RAB11FIP5: variants seen among roughly 807,000 people sequenced by gnomAD.
The protein encoded by RAB11FIP5 is rab11 family-interacting protein 5.
A neutral mutation model predicts 85.1 loss-of-function variants in RAB11FIP5; 48 were observed. The observed-to-expected ratio is 0.56, with a 90% CI of 0.45 to 0.72. RAB11FIP5 has a LOEUF of 0.72. RAB11FIP5 is among the 30% of genes least tolerant of loss of function. RAB11FIP5 has a pLI of 0.00. For synonymous variants in RAB11FIP5, 729 were observed against 727.3 expected, an observed-to-expected ratio of 1.00 and a Z score of -0.04; for missense variants, 1,491 against 1,687.0, an observed-to-expected ratio of 0.88 and a Z score of 2.04.
chr2:73,075,943 A>G lies in RAB11FIP5; in HGVS notation c.3771+50T>C. On this transcript the variant is annotated intron_variant, in intron 5 of 5. Transcript: ENST00000486777. The surrounding 1 kb of genome is among the most constrained non-coding windows in gnomAD (Gnocchi z 4.6). ...ACCCTCACCAGGACCAAGCCCTGAG[A>G]CTCCACCACACATTCTGTCAGATGG... 1 of 1,570,952 alleles carries G rather than the reference A, an allele frequency of 6.4e-7. No homozygotes were observed. Among genetic ancestry groups the G allele is most frequent in the Non-Finnish European group, 8.7e-7 (1 of 1,152,980 alleles).
chr2:73,098,975 G>T (rs1280227532), intron 1 of RAB11FIP5, among the ~76,000 whole-genome samples: 2 of 150,402 alleles, frequency 1.3e-5, no homozygotes, highest in Non-Finnish European at 3.0e-5. Flanking sequence ...ACCTCCTGTA[G>T]ATCTCATTAT....
chr2:73,100,790 G>GTGTTTTTT (rs926543715), intron 1 of RAB11FIP5, among the ~76,000 whole-genome samples: 1 of 150,862 alleles, frequency 6.6e-6, no homozygotes, highest in Admixed American at 6.6e-5. Flanking sequence ...TTTTTTGGTT[G>GTGTTTTTT]TGTTTTTTTG....
Position 73,078,083 on chromosome 2 carries a change from A to G in RAB11FIP5, c.3581+1568T>C, listed in dbSNP as rs1489921657. On this transcript the variant is annotated intron_variant, in intron 4 of 5. Coordinates refer to ENST00000486777, the MANE Select transcript of RAB11FIP5 (RefSeq NM_001371272.1). The surrounding 1 kb of genome is among the most constrained non-coding windows in gnomAD (Gnocchi z 4.4). ...TCTCAGTCCTTTCCTGACACCTAGGAGCCTGTGCTAGGGATGGGGTATAAA... is the reference window on the plus strand; with the variant it reads ...TCTCAGTCCTTTCCTGACACCTAGGGGCCTGTGCTAGGGATGGGGTATAAA... 1.3e-5 allele frequency among the ~76,000 whole-genome samples: 2 copies of G among 152,212 alleles called. No homozygotes were observed. Among genetic ancestry groups the G allele is most frequent in the African/African-American group, 4.8e-5 (2 of 41,452 alleles).
intron 1 of RAB11FIP5, among the ~76,000 whole-genome samples, chr2:73,091,865 A>C (rs1281682420): frequency 1.3e-5 from 2 of 152,114 alleles, no homozygotes; most frequent in Admixed American, 1.3e-4. Flanking sequence ...CCTGAGAGAC[A>C]ATCCCCTGAG....
chr2:73,081,087 CCCACCTCTT>C lies in RAB11FIP5; in HGVS notation c.2136_2144del (p.Arg713_Gly715del), dbSNP rs1395589670. 2 of 1,221,384 alleles carry C rather than the reference CCCACCTCTT, an allele frequency of 1.6e-6. No homozygotes were observed. Among genetic ancestry groups the C allele is most frequent in the African/African-American group, 3.7e-5 (2 of 54,414 alleles). The allele number at this position is 1,221,384 out of a possible 1,614,324, so 75.7% of individuals were successfully genotyped here. A position where few individuals can be genotyped will look rare whatever the true frequency, so the allele number is the denominator to read the frequency against. ...CCCTGGGCTCCAGCCACACGCTGCT[CCCACCTCTT>C]CCTCCTCCTCCTCCTCCTCCTCCTC... On this transcript the variant is annotated inframe_deletion, in exon 4 of 6. Transcript: ENST00000486777. The surrounding 1 kb of genome is among the most constrained non-coding windows in gnomAD (Gnocchi z 4.2).
Position 73,089,161 on chromosome 2 carries a change from T to G in RAB11FIP5, c.586A>C (p.Lys196Gln). The part of the protein sequence containing the change: ...PRSPFSKIRD[K>Q]MKGKKKYDLE... ...TCATACTTCTTCTTGCCCTTCATCT[T>G]GTCCCTGATCTTGCTGAAGGGAGAC... is the stretch of plus-strand genomic sequence containing the variant. Residue 196 changes from lysine (K) to glutamine (Q), a missense_variant, in exon 2 of 6, where the codon AAG (lysine) becomes CAG (glutamine). This residue lies in a region of RAB11FIP5 where 1,211 missense variants were observed against 1,338.0 expected (regional missense o/e 0.91). Transcript: ENST00000486777. This position sits in a 1 kb window ranked among gnomAD's most constrained non-coding sequence, Gnocchi z 4.6. 1 of 1,614,240 alleles carries G rather than the reference T, an allele frequency of 6.2e-7. No homozygotes were observed.
rs1683957965 is a variant in RAB11FIP5, at chr2:73,080,693, C to T, written c.2539G>A (p.Ala847Thr). The change falls in exon 4 of 6, where the codon GCC becomes ACC. Residue 847 changes from alanine to threonine, a missense_variant. By Grantham distance (58) the Ala-to-Thr change is moderately conservative. This residue lies in a region of RAB11FIP5 where 1,211 missense variants were observed against 1,338.0 expected (regional missense o/e 0.91). Transcript: ENST00000486777. ...GACTCTCCCCGAAAGACTAGTGAGG[C>T]TGTCTCAGCTGCAGGAGAAATGGTG... ...VVTISPAAET[A>T]SLVFRGESDE... 1.4e-5 allele frequency: 17 copies of T among 1,232,430 alleles called. No homozygotes were observed. The South Asian group carries it at 6.2e-4, about 45-fold the overall frequency. 76.3% of individuals were successfully genotyped at this position (1,232,430 alleles called of 1,614,324 possible). A position where few individuals can be genotyped will look rare whatever the true frequency, so the allele number is the denominator to read the frequency against.
chr2:73,096,582 T>C (rs1363634801), intron 1 of RAB11FIP5, among the ~76,000 whole-genome samples: 1 of 152,184 alleles, frequency 6.6e-6, no homozygotes, highest in Non-Finnish European at 1.5e-5. Context: ...TCTCTTCTTT[T>C]CCCTCACTCC....
chr2:73,098,042 T>C (rs1049787269), intron 1 of RAB11FIP5, among the ~76,000 whole-genome samples: 3 of 152,214 alleles, frequency 2.0e-5, no homozygotes, highest in Non-Finnish European at 4.4e-5. Context: ...CCTGTGAGGT[T>C]GATATGGGAG....
intron 1 of RAB11FIP5, among the ~76,000 whole-genome samples, chr2:73,096,571 G>C (rs1684323992): frequency 6.6e-6 from 1 of 152,058 alleles, no homozygotes. Context: ...AACCAGATTT[G>C]TCTCTTCTTT....
Position 73,075,057 on chromosome 2 carries a change from T to C in RAB11FIP5, c.*464A>G. ...CACAGACAAACAGGCAGCGTGGTCA[T>C]TGTCCCAGTAATACTAGAAGCCCCT... is the stretch of plus-strand genomic sequence containing the variant. On this transcript the variant is annotated 3_prime_UTR_variant, in exon 6 of 6. Coordinates refer to ENST00000486777, the MANE Select transcript of RAB11FIP5 (RefSeq NM_001371272.1). This position sits in a 1 kb window ranked among gnomAD's most constrained non-coding sequence, Gnocchi z 4.6. 1 of 360,844 alleles carries C rather than the reference T, an allele frequency of 2.8e-6. No homozygotes were observed. 22.4% of individuals were successfully genotyped at this position (360,844 alleles called of 1,614,324 possible). A position where few individuals can be genotyped will look rare whatever the true frequency, so the allele number is the denominator to read the frequency against.
Position 73,086,889 on chromosome 2 carries a change from G to T in RAB11FIP5, c.1568+1161C>A, listed in dbSNP as rs1335614747. Among the ~76,000 whole-genome samples the T allele has an allele frequency of 1.3e-5, 2 of 152,114 alleles. No individual in the cohort carries two copies. Among genetic ancestry groups the T allele is most frequent in the African/African-American group, 4.8e-5 (2 of 41,394 alleles). On this transcript the variant is annotated intron_variant, in intron 3 of 5. Coordinates refer to ENST00000486777, the MANE Select transcript of RAB11FIP5 (RefSeq NM_001371272.1). This position sits in a 1 kb window ranked among gnomAD's most constrained non-coding sequence, Gnocchi z 4.4. ...CCCCCCCATACCCCTATCTATGAGG[G>T]TCTAACAGGGATTGTCAGCTGACCA...
At chr2:73,091,441 C>A (rs555309338) in intron 1 of RAB11FIP5, among the ~76,000 whole-genome samples, 1 of 152,148 alleles carries the variant, frequency 6.6e-6, no homozygotes, top group East Asian at 1.9e-4. Flanking sequence ...GGTGACTGCA[C>A]AGCACACACA....
chr2:73,108,875 C>A (rs1460281400), intron 1 of RAB11FIP5, among the ~76,000 whole-genome samples: 1 of 152,082 alleles, frequency 6.6e-6, no homozygotes, highest in African/African-American at 2.4e-5. Context: ...AAAACCCAGT[C>A]TCTACTAAAA....
intron 1 of RAB11FIP5, among the ~76,000 whole-genome samples, chr2:73,104,023 A>G (rs1208024488): frequency 6.6e-6 from 1 of 152,208 alleles, no homozygotes; most frequent in East Asian, 1.9e-4. Flanking sequence ...GGGGAAACAA[A>G]CAATAACTTC....
rs1467152376 is a variant in RAB11FIP5 at position 73,081,559 on chromosome 2, G to T, written c.1673C>A (p.Ala558Asp). ...PAPPTPAPTA[A>D]PMLSTNLFAA... Reference sequence around the variant, plus strand: ...AAAAAGGTTAGTGCTTAGCATGGGAGCAGCAGTGGGAGCAGGAGTGGGAGG... The same window carrying T: ...AAAAAGGTTAGTGCTTAGCATGGGATCAGCAGTGGGAGCAGGAGTGGGAGG... The change falls in exon 4 of 6, where the codon GCT becomes GAT. Residue 558 changes from alanine to aspartate, a missense_variant. Coordinates refer to ENST00000486777, the MANE Select transcript of RAB11FIP5 (RefSeq NM_001371272.1). This position sits in a 1 kb window ranked among gnomAD's most constrained non-coding sequence, Gnocchi z 4.2. 7.0e-5 allele frequency: 85 copies of T among 1,206,618 alleles called. No individual in the cohort carries two copies. The highest frequency in any genetic ancestry group is 8.8e-5 in the Non-Finnish European group (85 of 964,532). 74.7% of individuals were successfully genotyped at this position (1,206,618 alleles called of 1,614,324 possible). A position where few individuals can be genotyped will look rare whatever the true frequency, so the allele number is the denominator to read the frequency against.
At position 73,088,338 on chromosome 2, in the gene RAB11FIP5, C is replaced by G; in HGVS notation, c.1280G>C (p.Arg427Pro). 6.2e-7 allele frequency: 1 copy of G among 1,613,712 alleles called. No homozygotes were observed. Among genetic ancestry groups the G allele is most frequent in the Non-Finnish European group, 8.5e-7 (1 of 1,180,014 alleles). ...CTGGACTGGCTTGCCCTCTGGTAGCCGGGCCCCCTCCTCCTCTCCAGGGTG... is the reference window on the plus strand; with the variant it reads ...CTGGACTGGCTTGCCCTCTGGTAGCGGGGCCCCCTCCTCCTCTCCAGGGTG... ...ASHPGEEEGA[R>P]LPEGKPVQVA... Residue 427 changes from arginine (R) to proline (P), a missense_variant, in exon 3 of 6, where the codon CGG (arginine) becomes CCG (proline). By Grantham distance (103) the Arg-to-Pro change is moderately radical. Coordinates refer to ENST00000486777, the MANE Select transcript of RAB11FIP5 (RefSeq NM_001371272.1).
Position 73,086,568 on chromosome 2 carries a change from G to A in RAB11FIP5, c.1568+1482C>T, listed in dbSNP as rs1488713371. On this transcript the variant is annotated intron_variant, in intron 3 of 5. Transcript: ENST00000486777. This position sits in a 1 kb window ranked among gnomAD's most constrained non-coding sequence, Gnocchi z 4.4. ...GTACGCACAACCACACTGAGCCTGT[G>A]CTCTGTGCCCCTTTCAATCCAGGCC... Among the ~76,000 whole-genome samples the A allele has an allele frequency of 6.6e-6, 1 of 152,160 alleles. No homozygotes were observed. Among genetic ancestry groups the A allele is most frequent in the Non-Finnish European group, 1.5e-5 (1 of 68,022 alleles).
At chr2:73,104,329 G>A (rs991727097) in intron 1 of RAB11FIP5, among the ~76,000 whole-genome samples, 1 of 152,154 alleles carries the variant, frequency 6.6e-6, no homozygotes, top group Non-Finnish European at 1.5e-5. Context: ...TGTAATCCCA[G>A]CACTTTGGGA....
Sources: allele counts gnomAD v4.1 joint callset (sites outside exome capture counted in the v4.1 genomes callset), GRCh38; gene constraint gnomAD v4.1.1; regional missense constraint gnomAD v4.1.1; non-coding constraint Gnocchi (gnomAD v3.1); transcripts MANE v1.5; gene names NCBI Gene and HGNC (gene_info 2026-07-23, HGNC 2026-07-21).